Variants in SH3BGRL2 observed in about 807,000 individuals in gnomAD.
SH3BGRL2 encodes SH3 domain binding glutamate rich protein like 2, also known as SH3 domain-binding glutamic acid-rich-like protein 2.
Under a neutral mutation model 14.8 loss-of-function variants are expected in SH3BGRL2, and 21 were observed. That is an observed-to-expected ratio of 1.42 (90% CI 1.01 to 2.05). The LOEUF is 2.05. Ranked by LOEUF, SH3BGRL2 falls within the 30% of genes most tolerant of loss-of-function variation. The pLI is 0.00. For synonymous variants in SH3BGRL2, 50 were observed against 47.8 expected, an observed-to-expected ratio of 1.05 and a Z score of -0.19; for missense variants, 147 against 130.8, an observed-to-expected ratio of 1.12 and a Z score of -0.61.
chr6:79,566,897 TAAAAA>T, the SH3BGRL2 span, among the ~76,000 whole-genome samples: 5 of 136,892 alleles, frequency 3.7e-5, no homozygotes, highest in East Asian at 6.3e-4. Flanking sequence ...ACTCTGTCTC[TAAAAA>T]AAAAAAAAAA....
chr6:79,674,300 T>C, intron 2 of SH3BGRL2, among the ~76,000 whole-genome samples: 1 of 152,160 alleles, frequency 6.6e-6, no homozygotes, highest in Non-Finnish European at 1.5e-5. Context: ...CCATTTCTTA[T>C]GATAATGAGC....
chr6:79,652,764 G>T (rs1397582411), intron 1 of SH3BGRL2, among the ~76,000 whole-genome samples: 1 of 152,026 alleles, frequency 6.6e-6, no homozygotes, highest in Non-Finnish European at 1.5e-5. Flanking sequence ...TTTTAAAGCA[G>T]GAACTATAAT....
Position 79,631,473 on chromosome 6 carries a change from C to A in SH3BGRL2, c.12C>A (p.Arg4=). The change falls in exon 1 of 4, where the codon CGC becomes CGA. Residue 4 remains arginine (R), a synonymous_variant. Transcript: ENST00000369838. The part of the protein sequence containing the change: MVI[R]VFIASSSGFV... ...GGCGCAGCGAGAGGATGGTCATCCG[C>A]GTGTTCATCGCCTCTTCCTCGGGCT... The A allele has an allele frequency of 1.3e-6, 2 of 1,508,662 alleles. No homozygotes were observed. The highest frequency in any genetic ancestry group is 1.8e-4 in the Middle Eastern group (1 of 5,630). 93.5% of individuals were successfully genotyped at this position (1,508,662 alleles called of 1,614,324 possible).
the SH3BGRL2 span, among the ~76,000 whole-genome samples, chr6:79,624,341 T>C: frequency 6.7e-6 from 1 of 150,208 alleles, no homozygotes; most frequent in East Asian, 1.9e-4. Flanking sequence ...CATAAAACTA[T>C]CTATAATTAA....
chr6:79,699,444 G>T, intron 3 of SH3BGRL2, 54 bp from the exon 4 acceptor site: 4 of 1,447,740 alleles, frequency 2.8e-6, no homozygotes, highest in Non-Finnish European at 3.6e-6. Flanking sequence ...TTTTCTTGTC[G>T]ATGTAATGCA....
At chr6:79,677,408 G>A (rs2127734516) in intron 2 of SH3BGRL2, among the ~76,000 whole-genome samples, 1 of 152,250 alleles carries the variant, frequency 6.6e-6, no homozygotes, top group African/African-American at 2.4e-5. Flanking sequence ...CTTGCCTTTT[G>A]GAAGGAGTTC....
the SH3BGRL2 span, among the ~76,000 whole-genome samples, chr6:79,560,867 C>CT: frequency 9.4e-3 from 432 of 45,778 alleles, 78 homozygotes; most frequent in African/African-American, 0.035. Flanking sequence ...ACAATACACT[C>CT]TTTTTTTTTT....
chr6:79,564,603 T>C, the SH3BGRL2 span, among the ~76,000 whole-genome samples: 1 of 152,192 alleles, frequency 6.6e-6, no homozygotes, highest in Admixed American at 6.5e-5. Context: ...TTCCAAATTA[T>C]TTCAGCAAGG....
chr6:79,691,128 T>C (rs920177703), intron 2 of SH3BGRL2, among the ~76,000 whole-genome samples: 1 of 152,086 alleles, frequency 6.6e-6, no homozygotes, highest in Non-Finnish European at 1.5e-5. Context: ...CACTCCAGTC[T>C]GGGTGACAGA....
At chr6:79,596,640 A>G in the SH3BGRL2 span, among the ~76,000 whole-genome samples, 47 of 152,168 alleles carry the variant, frequency 3.1e-4, 1 homozygote, top group Non-Finnish European at 1.8e-4. Context: ...AATAAATGAA[A>G]AGACATTCTG....
At chr6:79,655,723 A>T (rs548096364) in intron 1 of SH3BGRL2, among the ~76,000 whole-genome samples, 2 of 152,226 alleles carry the variant, frequency 1.3e-5, no homozygotes, top group Non-Finnish European at 2.9e-5. Flanking sequence ...TTCTCTTAGC[A>T]TGATCTCAAA....
chr6:79,665,072 C>T (rs953765751), intron 1 of SH3BGRL2, among the ~76,000 whole-genome samples: 12 of 152,026 alleles, frequency 7.9e-5, no homozygotes, highest in African/African-American at 1.2e-4. Flanking sequence ...TCGTGGCGGG[C>T]GCCTGTAGTC....
intron 3 of SH3BGRL2, among the ~76,000 whole-genome samples, chr6:79,699,136 A>C (rs1438061186): frequency 1.3e-5 from 2 of 152,034 alleles, no homozygotes; most frequent in Non-Finnish European, 2.9e-5. Flanking sequence ...GTCGTTCTAG[A>C]GTGGTTCTTC....
At chr6:79,573,303 T>C in the SH3BGRL2 span, among the ~76,000 whole-genome samples, 2 of 152,236 alleles carry the variant, frequency 1.3e-5, no homozygotes, top group South Asian at 4.1e-4. Flanking sequence ...CAAGTTTCCA[T>C]ACGGGCCTGG....
At chr6:79,639,716 C>T (rs780593912) in intron 1 of SH3BGRL2, among the ~76,000 whole-genome samples, 1 of 152,198 alleles carries the variant, frequency 6.6e-6, no homozygotes, top group Non-Finnish European at 1.5e-5. Context: ...AAAAATCACC[C>T]TCCAAGCTCT....
the SH3BGRL2 span, among the ~76,000 whole-genome samples, chr6:79,562,829 C>CA: frequency 6.4e-4 from 96 of 151,016 alleles, no homozygotes; most frequent in African/African-American, 1.8e-3. Context: ...ACAAAACTAG[C>CA]AAAAAAAAAC....
rs921783595 is a variant in SH3BGRL2 at position 79,631,359 on chromosome 6, C to G, written c.-103C>G. The stretch of plus-strand genomic sequence containing the variant: ...CCAGCGATCTTCCCCGACGGCAGCG[C>G]TTTACCCAGAGGCTGCCGGCGGCTC... On this transcript the variant is annotated 5_prime_UTR_variant, in exon 1 of 4. Transcript: ENST00000369838. The G allele has an allele frequency of 2.7e-6, 3 of 1,105,684 alleles. No homozygotes were observed. Among genetic ancestry groups the G allele is most frequent in the Non-Finnish European group, 2.4e-6 (2 of 824,174 alleles). 68.5% of individuals were successfully genotyped at this position (1,105,684 alleles called of 1,614,324 possible).
the SH3BGRL2 span, among the ~76,000 whole-genome samples, chr6:79,606,099 T>C: frequency 1.3e-5 from 2 of 152,252 alleles, no homozygotes; most frequent in East Asian, 1.9e-4. Flanking sequence ...AAAGGCTCTT[T>C]CTAGAGATGG....
chr6:79,660,665 G>A (rs990849270), intron 1 of SH3BGRL2, among the ~76,000 whole-genome samples: 2 of 152,164 alleles, frequency 1.3e-5, no homozygotes, highest in Non-Finnish European at 2.9e-5. Context: ...AAATGAGTTA[G>A]GGAGGATTCC....
Sources: gnomAD v4.1 joint callset for allele counts (sites outside exome capture counted in the v4.1 genomes callset) on GRCh38, gnomAD v4.1.1 for gene constraint, MANE v1.5 for transcripts, NCBI Gene and HGNC (gene_info 2026-07-23, HGNC 2026-07-21) for gene names.